The following ARHGAP32 variants were observed in gnomAD, a reference collection of about 807,000 sequenced individuals.
The protein encoded by ARHGAP32 is rho GTPase-activating protein 32.
A neutral mutation model predicts 186.5 loss-of-function variants in ARHGAP32; 51 were observed. The ratio of observed to expected loss-of-function variants is 0.27; its 90% CI spans 0.22 to 0.35. The LOEUF (loss-of-function observed/expected upper bound fraction) is 0.35. Among genes scored for constraint, ARHGAP32 ranks in the 10% least tolerant of loss-of-function variants. The pLI is 1.00. For synonymous variants in ARHGAP32, 950 were observed against 964.3 expected (o/e 0.99, Z 0.27); for missense variants, 2,186 against 2,623.5 (o/e 0.83, Z 3.64).
At chr11:129,109,790 TTTTG>T (rs1486991541) in intron 5 of ARHGAP32, among the ~76,000 whole-genome samples, 7 of 152,040 alleles carry the variant, frequency 4.6e-5, no homozygotes, top group Non-Finnish European at 8.8e-5. Flanking sequence ...ATTTTTTGGT[TTTTG>T]TTTGTTTTGT....
At position 128,967,434 on chromosome 11, in the gene ARHGAP32, G is replaced by A. The variant is rs1212321880; in HGVS notation, c.*1473C>T. 6.6e-6 allele frequency: 1 copy of A among 152,196 alleles called. No homozygotes were observed. The highest frequency in any genetic ancestry group is 2.4e-5 in the African/African-American group (1 of 41,436). 9.4% of individuals were successfully genotyped at this position (152,196 alleles called of 1,614,324 possible). A position where few individuals can be genotyped will look rare whatever the true frequency, so the allele number is the denominator to read the frequency against. ...GTATAAAACTTGAGTATTATTAAGAGTTATGGAATGAAATGACAATCTAAA... is the reference window on the plus strand; with the variant it reads ...GTATAAAACTTGAGTATTATTAAGAATTATGGAATGAAATGACAATCTAAA... On this transcript the variant is annotated 3_prime_UTR_variant, in exon 23 of 23. Coordinates refer to ENST00000682385, the MANE Select transcript of ARHGAP32 (RefSeq NM_001378024.1).
At chr11:129,048,939 A>G (rs1012958146) in intron 10 of ARHGAP32, among the ~76,000 whole-genome samples, 3 of 152,194 alleles carry the variant, frequency 2.0e-5, no homozygotes, top group Non-Finnish European at 2.9e-5. Flanking sequence ...AGGGGAAATA[A>G]TAGTTACATC....
chr11:128,982,006 A>G, intron 15 of ARHGAP32, 70 bp from the exon 16 acceptor site: 1 of 987,458 alleles, frequency 1.0e-6, no homozygotes, highest in East Asian at 2.7e-5. Flanking sequence ...AAAGCCTGCT[A>G]ATTAATTCCT....
intron 11 of ARHGAP32, among the ~76,000 whole-genome samples, chr11:129,017,582 T>C (rs1375001275): frequency 1.3e-5 from 2 of 152,282 alleles, no homozygotes; most frequent in Admixed American, 1.3e-4. Context: ...TGTGCTATTG[T>C]TATTTTTGTA....
intron 6 of ARHGAP32, among the ~76,000 whole-genome samples, chr11:129,084,352 A>G (rs1416485503): frequency 6.6e-6 from 1 of 151,840 alleles, no homozygotes; most frequent in African/African-American, 2.4e-5. Context: ...AAAAAGAAAA[A>G]AAAAAAAAAA....
chr11:128,975,236 T>C (rs910479437), intron 20 of ARHGAP32, among the ~76,000 whole-genome samples: 2 of 152,226 alleles, frequency 1.3e-5, no homozygotes, highest in Non-Finnish European at 1.5e-5. Context: ...GCGAATGCAG[T>C]ATTTCATGGT....
chr11:129,158,476 G>A (rs1943461644), intron 2 of ARHGAP32, among the ~76,000 whole-genome samples: 2 of 145,056 alleles, frequency 1.4e-5, no homozygotes, highest in Non-Finnish European at 3.1e-5. Context: ...AAAAAGACAA[G>A]AGCTAAAGGG....
In ARHGAP32 at chr11:128,973,274, T is replaced by C. The variant is rs758668320; in HGVS notation, c.3232A>G (p.Thr1078Ala). 2 of 1,613,734 alleles carry C rather than the reference T, an allele frequency of 1.2e-6. No individual in the cohort carries two copies. The highest frequency in any genetic ancestry group is 1.7e-6 in the Non-Finnish European group (2 of 1,180,020). ...ASTQSLKRPG[T>A]SQAGYTNYGD... ...TAATTTGTATACCCAGCCTGAGAGG[T>C]CCCTGGTCTCTTCAATGACTGAGTT... The change falls in exon 22 of 23, where the codon ACC (threonine) becomes GCC (alanine). Residue 1078 changes from threonine to alanine, a missense_variant. Physicochemically the swap from Thr to Ala is moderately conservative, Grantham distance 58. Coordinates refer to ENST00000682385, the MANE Select transcript of ARHGAP32 (RefSeq NM_001378024.1).
intron 11 of ARHGAP32, among the ~76,000 whole-genome samples, chr11:129,017,433 G>A (rs1430090140): frequency 7.4e-6 from 1 of 134,644 alleles, no homozygotes; most frequent in Non-Finnish European, 1.5e-5. Context: ...GGTGACAAGA[G>A]CAAGACCCGG....
chr11:129,117,845 G>A lies in ARHGAP32; in HGVS notation c.444+5601C>T, dbSNP rs369365734. Among the ~76,000 whole-genome samples the A allele has an allele frequency of 1.3e-4, 19 of 151,494 alleles. No homozygotes were observed. In the East Asian group the frequency reaches 1.5e-3, roughly 12 times the overall value. On this transcript the variant is annotated intron_variant, in intron 5 of 22. Transcript: ENST00000682385. Reference sequence around the variant, plus strand: ...TGCCTCAAACTCATCATTTCTTTGCGTGTTACAAGAGATTCCCCCCGCTTC... The same window carrying A: ...TGCCTCAAACTCATCATTTCTTTGCATGTTACAAGAGATTCCCCCCGCTTC...
At chr11:129,206,524 C>CA (rs908858140) in intron 1 of ARHGAP32, among the ~76,000 whole-genome samples, 1 of 152,044 alleles carries the variant, frequency 6.6e-6, no homozygotes, top group Non-Finnish European at 1.5e-5. Flanking sequence ...TTGATTTTTT[C>CA]TTTTTTTAAA....
chr11:128,975,146 T>C, intron 20 of ARHGAP32, 144 bp from the exon 21 acceptor site: 1 of 655,592 alleles, frequency 1.5e-6, no homozygotes, highest in Non-Finnish European at 2.5e-6. Context: ...ATTCTTTCAG[T>C]GCACACAGAT....
At chr11:128,972,139 G>A (rs1945393626) in intron 22 of ARHGAP32, 2 of 178,534 alleles carry the variant, frequency 1.1e-5, no homozygotes, top group South Asian at 1.9e-4. Context: ...ACCCACAACC[G>A]TAAAGCCCAC....
Position 128,969,585 on chromosome 11 carries a change from C to T in ARHGAP32, c.5628G>A (p.Leu1876=). 6.2e-7 allele frequency: 1 copy of T among 1,614,102 alleles called. No homozygotes were observed. The highest frequency in any genetic ancestry group is 8.5e-7 in the Non-Finnish European group (1 of 1,180,010). ...CCATGTCAGGAAGCTTCCTGCTCCTCAGGCTGCTCTGCTTCTGAGGCAGGG... is the reference window on the plus strand; with the variant it reads ...CCATGTCAGGAAGCTTCCTGCTCCTTAGGCTGCTCTGCTTCTGAGGCAGGG... ...KPSLPQKQSS[L]RSRKLPDMGC... is the part of the protein sequence containing the mutation. The change falls in exon 23 of 23, where the codon CTG becomes CTA. Residue 1876 remains leucine (L), a synonymous_variant. Transcript: ENST00000682385. This position sits in a 1 kb window ranked among gnomAD's most constrained non-coding sequence, Gnocchi z 4.8.
chr11:129,225,713 A>G (rs1944772179), intron 1 of ARHGAP32, among the ~76,000 whole-genome samples: 1 of 152,192 alleles, frequency 6.6e-6, no homozygotes, highest in African/African-American at 2.4e-5. Context: ...CAAAATTACA[A>G]GACACGCCAA....
chr11:129,021,957 A>C (rs1476955924), intron 11 of ARHGAP32, among the ~76,000 whole-genome samples: 1 of 152,062 alleles, frequency 6.6e-6, no homozygotes, highest in Non-Finnish European at 1.5e-5. Context: ...TTAAAATTGG[A>C]ATGGGATATT....
intron 2 of ARHGAP32, among the ~76,000 whole-genome samples, chr11:129,151,014 A>C (rs963748035): frequency 1.3e-5 from 2 of 152,054 alleles, no homozygotes; most frequent in Admixed American, 6.6e-5. Context: ...AACAAAACTT[A>C]AGGTAAAGGG....
chr11:129,041,492 TAAAA>T, intron 10 of ARHGAP32, among the ~76,000 whole-genome samples: 1 of 130,370 alleles, frequency 7.7e-6, no homozygotes, highest in East Asian at 2.2e-4. Flanking sequence ...CCAGGTTTCA[TAAAA>T]AAAAAAAAAA....
intron 1 of ARHGAP32, among the ~76,000 whole-genome samples, chr11:129,257,244 A>G (rs971766937): frequency 2.6e-5 from 4 of 152,180 alleles, no homozygotes; most frequent in Non-Finnish European, 5.9e-5. Context: ...ATATTGAAAT[A>G]TTTTTTAAGT....
Sources: allele counts gnomAD v4.1 joint callset (sites outside exome capture counted in the v4.1 genomes callset), GRCh38; gene constraint gnomAD v4.1.1; non-coding constraint Gnocchi (gnomAD v3.1); transcripts MANE v1.5; gene names NCBI Gene and HGNC (gene_info 2026-07-23, HGNC 2026-07-21).